The following PCM1 variants were observed in gnomAD, a reference collection of about 807,000 sequenced individuals.
The protein encoded by PCM1 is pericentriolar material 1 protein.
A neutral mutation model predicts 241.9 loss-of-function variants in PCM1; 157 were observed. The observed-to-expected ratio is 0.65, with a 90% CI of 0.57 to 0.74. The LOEUF is 0.74. Among genes scored for constraint, PCM1 ranks in the 30% least tolerant of loss-of-function variants. The pLI is 0.00. For missense variants in PCM1, 3,478 were observed against 2,360.1 expected, an observed-to-expected ratio of 1.47 and a Z score of -9.81; for synonymous variants, 1,085 against 784.9, an observed-to-expected ratio of 1.38 and a Z score of -6.39.
At chr8:17,959,928 T>C (rs2070866873) in intron 13 of PCM1, 86 bp from the exon 14 acceptor site, 18 of 1,264,088 alleles carry the variant, frequency 1.4e-5, no homozygotes, top group Non-Finnish European at 1.9e-5. Flanking sequence ...TATGTAAATT[T>C]TACAGACTAG....
At chr8:17,991,046 ATT>A (rs35010110) in intron 27 of PCM1, among the ~76,000 whole-genome samples, 4 of 144,804 alleles carry the variant, frequency 2.8e-5, no homozygotes, top group Admixed American at 6.9e-5. Context: ...ATTTACTGGT[ATT>A]TTTTTTTTTT....
intron 35 of PCM1, 131 bp from the exon 36 acceptor site, chr8:18,014,453 G>A (rs1165793302): frequency 1.7e-5 from 11 of 641,988 alleles, no homozygotes; most frequent in Non-Finnish European, 2.6e-5. Context: ...AGGAAAATTT[G>A]TAGTTGCCTT....
At chr8:17,974,323 C>A (rs1431558317) in intron 23 of PCM1, among the ~76,000 whole-genome samples, 1 of 152,162 alleles carries the variant, frequency 6.6e-6, no homozygotes, top group Admixed American at 6.5e-5. Context: ...AGTGCTTTGC[C>A]CTCACAGAGA....
intron 36 of PCM1, among the ~76,000 whole-genome samples, chr8:18,016,734 G>T (rs1227091388): frequency 4.0e-5 from 6 of 151,140 alleles, no homozygotes. Flanking sequence ...TAATTATTCT[G>T]AGTCCACTAA....
chr8:17,964,422 A>AC (rs2073994213), intron 17 of PCM1, 146 bp from the exon 18 acceptor site: 1 of 591,350 alleles, frequency 1.7e-6, no homozygotes, highest in African/African-American at 1.9e-5. Flanking sequence ...GGAGAGTGCC[A>AC]CCCGTAGCAT....
chr8:17,974,515 A>G lies in PCM1; in HGVS notation c.3943+1828A>G, dbSNP rs565842764. ...ATTCATTTGACTTGGAAGGGACTTG[A>G]GAGTCTGCCTTCCTAACAGACTCTC... is the stretch of plus-strand genomic sequence containing the variant. On this transcript the variant is annotated intron_variant, in intron 23 of 38. Transcript: ENST00000325083. Among the ~76,000 whole-genome samples the G allele has an allele frequency of 4.6e-5, 7 of 152,268 alleles. No homozygotes were observed. The South Asian group carries it at 1.5e-3, about 32-fold the overall frequency.
At chr8:18,026,259 A>T (rs929600298) in intron 38 of PCM1, among the ~76,000 whole-genome samples, 3 of 95,952 alleles carry the variant, frequency 3.1e-5, no homozygotes, top group East Asian at 2.9e-4. Context: ...GCAAAAACCC[A>T]CTTTTTTTTT....
intron 2 of PCM1, 159 bp downstream of exon 2, chr8:17,924,939 G>C: frequency 6.6e-6 from 1 of 152,318 alleles, no homozygotes; most frequent in East Asian, 1.9e-4. Flanking sequence ...GCTTTTCGGC[G>C]TGCTGCTTTG....
chr8:17,979,100 G>A (rs180801171), intron 23 of PCM1, among the ~76,000 whole-genome samples: 65 of 151,086 alleles, frequency 4.3e-4, no homozygotes, highest in African/African-American at 1.5e-3. Context: ...CTTGAGCCTG[G>A]GCAACAGAAT....
At chr8:18,014,491 G>C in intron 35 of PCM1, 93 bp from the exon 36 acceptor site, 1 of 952,002 alleles carries the variant, frequency 1.1e-6, no homozygotes, top group East Asian at 2.8e-5. Context: ...TATCTTGATT[G>C]CTCTTATTCA....
Position 17,935,653 on chromosome 8 carries a change from C to A in PCM1, c.43C>A (p.Gln15Lys). The A allele has an allele frequency of 6.4e-7, 1 of 1,567,498 alleles. No individual in the cohort carries two copies. The highest frequency in any genetic ancestry group is 8.8e-7 in the Non-Finnish European group (1 of 1,137,958). Reference sequence around the variant, plus strand: ...TCCCTTTGAAGATGGCATGAATGATCAGGATTTACCAAACTGGAGTAATGA... The same window carrying A: ...TCCCTTTGAAGATGGCATGAATGATAAGGATTTACCAAACTGGAGTAATGA... Reference protein sequence around the residue: ...GGPFEDGMNDQDLPNWSNENV... With the variant: ...GGPFEDGMNDKDLPNWSNENV... Residue 15 changes from glutamine to lysine, a missense_variant, in exon 3 of 39, where the codon CAG (glutamine) becomes AAG (lysine). Physicochemically the swap from Gln to Lys is moderately conservative, Grantham distance 53. Coordinates refer to ENST00000325083, the MANE Select transcript of PCM1 (RefSeq NM_006197.4).
chr8:17,949,354 C>T (rs2065118044), intron 7 of PCM1, among the ~76,000 whole-genome samples: 1 of 151,962 alleles, frequency 6.6e-6, no homozygotes, highest in East Asian at 1.9e-4. Flanking sequence ...CATATAATTA[C>T]TGTAATTTCT....
intron 26 of PCM1, 63 bp downstream of exon 26, chr8:17,986,150 A>G (rs2082510591): frequency 2.6e-6 from 3 of 1,167,844 alleles, no homozygotes; most frequent in Non-Finnish European, 3.5e-6. Flanking sequence ...TAAAAGTTAA[A>G]TAGATTATTG....
intron 36 of PCM1, among the ~76,000 whole-genome samples, chr8:18,023,684 C>T (rs2093940742): frequency 6.6e-6 from 1 of 152,192 alleles, no homozygotes; most frequent in African/African-American, 2.4e-5. Flanking sequence ...TTTTAGGCCC[C>T]TGGGAATCTT....
chr8:17,972,830 TTATATA>T (rs2077298914), intron 23 of PCM1, 143 bp downstream of exon 23: 2 of 398,644 alleles, frequency 5.0e-6, no homozygotes, highest in Non-Finnish European at 8.8e-6. Context: ...TTAGTTACCT[TTATATA>T]TATAATTTTT....
intron 23 of PCM1, among the ~76,000 whole-genome samples, chr8:17,978,142 A>T (rs1040494985): frequency 6.6e-6 from 1 of 152,208 alleles, no homozygotes; most frequent in Non-Finnish European, 1.5e-5. Context: ...GATTATTTAA[A>T]AAAGAGGACA....
chr8:17,944,439 T>C (rs1251119173), intron 6 of PCM1, among the ~76,000 whole-genome samples: 1 of 152,132 alleles, frequency 6.6e-6, no homozygotes, highest in Admixed American at 6.5e-5. Flanking sequence ...CATTAATAAT[T>C]ACTAGGAGAA....
chr8:17,953,179 T>G lies in PCM1; in HGVS notation c.1281T>G (p.Asn427Lys), dbSNP rs944890209. 2.6e-6 allele frequency: 4 copies of G among 1,543,318 alleles called. No individual in the cohort carries two copies. Among genetic ancestry groups the G allele is most frequent in the Non-Finnish European group, 3.5e-6 (4 of 1,133,656 alleles). Residue 427 changes from asparagine to lysine, a missense_variant, in exon 9 of 39, where the codon AAT becomes AAG. Asn to Lys is a moderately conservative substitution (Grantham distance 94). Coordinates refer to ENST00000325083, the MANE Select transcript of PCM1 (RefSeq NM_006197.4). ...CACTTCGAGATCAGCATCTTAACAA[T>G]TCATCATGTGAGTAAATCTGGTTCA... ...LHTLRDQHLN[N>K]SSSSPQRSVD...
At position 17,963,270 on chromosome 8, in the gene PCM1, C is replaced by T; in HGVS notation, c.2633C>T (p.Pro878Leu). ...RSDGSENLCT[P>L]QQSRTEKTMA... ...GATGGATCTGAGAACCTATGTACTC[C>T]TCAGCAAAGTAGAACAGAAAAGTAA... The change falls in exon 17 of 39, where the codon CCT (proline) becomes CTT (leucine). Residue 878 changes from proline to leucine, a missense_variant. Physicochemically the swap from Pro to Leu is moderately conservative, Grantham distance 98 (BLOSUM62 -3). Transcript: ENST00000325083. The T allele has an allele frequency of 6.3e-7, 1 of 1,592,536 alleles. No homozygotes were observed. The highest frequency in any genetic ancestry group is 1.2e-5 in the South Asian group (1 of 85,544).
Sources: gnomAD v4.1 joint callset for allele counts (sites outside exome capture counted in the v4.1 genomes callset) on GRCh38, gnomAD v4.1.1 for gene constraint, MANE v1.5 for transcripts, NCBI Gene and HGNC (gene_info 2026-07-23, HGNC 2026-07-21) for gene names.